Variants in TOX observed in about 807,000 individuals in gnomAD.
TOX encodes thymocyte selection associated high mobility group box.
A neutral mutation model predicts 53.7 loss-of-function variants in TOX; 11 were observed. That is an observed-to-expected ratio of 0.20 (90% CI 0.13 to 0.34). The LOEUF (loss-of-function observed/expected upper bound fraction) is 0.34. Among genes scored for constraint, TOX ranks in the 10% least tolerant of loss-of-function variants. The probability of loss-of-function intolerance (pLI) is 1.00; values close to 1 mark genes in which losing one functional copy is unlikely to be tolerated. For synonymous variants in TOX, 225 were observed against 245.3 expected (o/e 0.92, Z 0.77); for missense variants, 570 against 664.6 (o/e 0.86, Z 1.56).
At chr8:58,828,622 A>T (rs1163196382) in intron 5 of TOX, among the ~76,000 whole-genome samples, 1 of 152,156 alleles carries the variant, frequency 6.6e-6, no homozygotes, top group Non-Finnish European at 1.5e-5. Flanking sequence ...AATAAATGCT[A>T]AAGTCGAGTA....
At chr8:58,808,426 G>A (rs906169147) in intron 7 of TOX, among the ~76,000 whole-genome samples, 157 bp from the exon 8 acceptor site, 1 of 151,384 alleles carries the variant, frequency 6.6e-6, no homozygotes, top group Non-Finnish European at 1.5e-5. Flanking sequence ...TTAAAACAAA[G>A]GTAGAAAAGA....
chr8:59,021,481 A>AAAAAATATATATATATATATATATATAT (rs59174995), intron 1 of TOX, among the ~76,000 whole-genome samples: 1 of 64,740 alleles, frequency 1.5e-5, no homozygotes, highest in African/African-American at 5.3e-5. Flanking sequence ...AAAAAAAAAA[A>AAAAAATATATATATATATATATATATAT]ATATATATAT....
intron 1 of TOX, among the ~76,000 whole-genome samples, chr8:59,082,995 C>T (rs1804436938): frequency 1.3e-5 from 2 of 152,140 alleles, no homozygotes; most frequent in Non-Finnish European, 2.9e-5. Flanking sequence ...CAGGTATTCC[C>T]ACTGAAGAGG....
chr8:58,993,237 C>T (rs1347959323), intron 1 of TOX, among the ~76,000 whole-genome samples: 1 of 152,154 alleles, frequency 6.6e-6, no homozygotes, highest in Non-Finnish European at 1.5e-5. Flanking sequence ...TGTCTTCAAG[C>T]TACACTTTCA....
intron 1 of TOX, among the ~76,000 whole-genome samples, chr8:59,110,557 G>T (rs150530821): frequency 6.6e-6 from 1 of 152,094 alleles, no homozygotes; most frequent in East Asian, 1.9e-4. Flanking sequence ...CCATATATCA[G>T]AGGAAGGTAT....
intron 1 of TOX, among the ~76,000 whole-genome samples, chr8:59,068,095 T>C (rs1054988119): frequency 6.6e-6 from 1 of 152,238 alleles, no homozygotes; most frequent in African/African-American, 2.4e-5. Flanking sequence ...TCTGAAATTA[T>C]TATTATGCTT....
chr8:58,856,138 G>T (rs1407035266), intron 3 of TOX, among the ~76,000 whole-genome samples: 1 of 152,128 alleles, frequency 6.6e-6, no homozygotes, highest in East Asian at 1.9e-4. Flanking sequence ...ACGATTCCAT[G>T]CTGCCTTTAC....
chr8:59,115,754 T>C (rs1177995518), intron 1 of TOX, among the ~76,000 whole-genome samples: 1 of 152,290 alleles, frequency 6.6e-6, no homozygotes, highest in East Asian at 1.9e-4. Context: ...GTTCTGGCTG[T>C]TTGTGTAAGA....
intron 3 of TOX, among the ~76,000 whole-genome samples, chr8:58,872,100 A>T (rs1385160381): frequency 6.6e-6 from 1 of 152,134 alleles, no homozygotes; most frequent in Non-Finnish European, 1.5e-5. Context: ...TGTACAAAAT[A>T]CAAAACCAAA....
chr8:58,812,658 T>C (rs891981037), intron 7 of TOX, among the ~76,000 whole-genome samples: 1 of 152,132 alleles, frequency 6.6e-6, no homozygotes, highest in Non-Finnish European at 1.5e-5. Context: ...GGGACCTTCG[T>C]TATTTGTTTA....
chr8:58,909,494 C>G (rs1049136108), intron 3 of TOX, among the ~76,000 whole-genome samples: 1 of 151,906 alleles, frequency 6.6e-6, no homozygotes, highest in Non-Finnish European at 1.5e-5. Context: ...GAAAAGCAAC[C>G]ATTTACAAAA....
chr8:59,108,070 T>C (rs1025833332), intron 1 of TOX, among the ~76,000 whole-genome samples: 1 of 152,204 alleles, frequency 6.6e-6, no homozygotes, highest in African/African-American at 2.4e-5. Flanking sequence ...TACTGACCAA[T>C]GTCATTCTAG....
intron 3 of TOX, among the ~76,000 whole-genome samples, chr8:58,901,010 ATCAG>A (rs1231546239): frequency 1.3e-5 from 2 of 152,136 alleles, no homozygotes; most frequent in African/African-American, 2.4e-5. Context: ...CTTGGACAGC[ATCAG>A]TCAAATTTTG....
In TOX at chr8:58,921,394, C is replaced by G. The variant is rs111996552; in HGVS notation, c.411+17908G>C. Among the ~76,000 whole-genome samples the G allele has an allele frequency of 6.3e-3, 964 of 152,278 alleles. 13 individuals are homozygous for G. The highest frequency in any genetic ancestry group is 0.022 in the African/African-American group (924 of 41,570). On this transcript the variant is annotated intron_variant, in intron 3 of 8. Transcript: ENST00000361421. ...TCGGATCCAAATGTCAAAAACAGTT[C>G]TTTAAGACACAGATCTATATGACAA...
intron 1 of TOX, among the ~76,000 whole-genome samples, chr8:59,016,537 T>C (rs1814013094): frequency 6.6e-6 from 1 of 152,218 alleles, no homozygotes; most frequent in Non-Finnish European, 1.5e-5. Flanking sequence ...TAAGCACTTA[T>C]GCTCATAATA....
intron 2 of TOX, among the ~76,000 whole-genome samples, chr8:58,939,851 C>T (rs1812406182): frequency 6.6e-6 from 1 of 152,108 alleles, no homozygotes; most frequent in African/African-American, 2.4e-5. Flanking sequence ...AGCTGAATAC[C>T]TCTTTCATGG....
chr8:59,084,188 C>T (rs970721515), intron 1 of TOX, among the ~76,000 whole-genome samples: 2 of 152,010 alleles, frequency 1.3e-5, no homozygotes, highest in African/African-American at 4.8e-5. Flanking sequence ...TAAAATAAAG[C>T]TTTCAGGTAT....
At chr8:59,091,595 G>A (rs1387515167) in intron 1 of TOX, among the ~76,000 whole-genome samples, 3 of 151,862 alleles carry the variant, frequency 2.0e-5, no homozygotes, top group Admixed American at 2.0e-4. Flanking sequence ...CTGTAAAATG[G>A]GTTTCATAAC....
At chr8:58,950,286 C>T (rs1199593978) in intron 2 of TOX, among the ~76,000 whole-genome samples, 1 of 151,916 alleles carries the variant, frequency 6.6e-6, no homozygotes, top group African/African-American at 2.4e-5. Context: ...TATTTATGGC[C>T]AATCATTTTT....
Sources: gnomAD v4.1 joint callset for allele counts (sites outside exome capture counted in the v4.1 genomes callset) on GRCh38, gnomAD v4.1.1 for gene constraint, MANE v1.5 for transcripts, NCBI Gene and HGNC (gene_info 2026-07-23, HGNC 2026-07-21) for gene names.